SMAD9: variants seen among roughly 807,000 people sequenced by gnomAD.
SMAD9 encodes the protein SMAD family member 9.
SMAD9 carries 36 observed loss-of-function variants against 46.1 expected under a neutral mutation model. The ratio of observed to expected loss-of-function variants is 0.78; its 90% CI spans 0.60 to 1.03. The LOEUF (loss-of-function observed/expected upper bound fraction) is 1.03. Ranked by LOEUF, SMAD9 falls within the 50% of genes least tolerant of loss-of-function variation. SMAD9 has a pLI of 0.00. For synonymous variants in SMAD9, 245 were observed against 237.1 expected (o/e 1.03, Z -0.31); for missense variants, 572 against 599.8 (o/e 0.95, Z 0.48).
chr13:36,889,259 AG>A (rs1448715646), intron 1 of SMAD9, among the ~76,000 whole-genome samples: 4 of 152,190 alleles, frequency 2.6e-5, no homozygotes, highest in Non-Finnish European at 5.9e-5. Flanking sequence ...TTAAGACCAC[AG>A]GAACACTGGG....
chr13:36,911,005 ATAT>A (rs1370581945), intron 1 of SMAD9, among the ~76,000 whole-genome samples: 1 of 152,040 alleles, frequency 6.6e-6, no homozygotes, highest in Non-Finnish European at 1.5e-5. Context: ...TGTATTATTA[ATAT>A]TATTATTACT....
At chr13:36,919,776 T>C (rs2058727435) in intron 1 of SMAD9, among the ~76,000 whole-genome samples, 3 of 148,518 alleles carry the variant, frequency 2.0e-5, no homozygotes, top group Admixed American at 2.0e-4. Flanking sequence ...GAAGGCGAGC[T>C]GCGCCGCGGC....
chr13:36,877,214 T>G (rs1042631276), intron 2 of SMAD9, among the ~76,000 whole-genome samples: 13 of 151,990 alleles, frequency 8.6e-5, no homozygotes, highest in Admixed American at 6.5e-4. Context: ...ATACAAAAAG[T>G]AGCTGGGCAT....
chr13:36,895,617 G>A (rs1171834141), intron 1 of SMAD9, among the ~76,000 whole-genome samples: 2 of 152,176 alleles, frequency 1.3e-5, no homozygotes, highest in African/African-American at 4.8e-5. Context: ...TTAGATTTGG[G>A]TAATTGTTAA....
At chr13:36,912,247 G>A (rs1259996196) in intron 1 of SMAD9, among the ~76,000 whole-genome samples, 1 of 152,116 alleles carries the variant, frequency 6.6e-6, no homozygotes, top group Non-Finnish European at 1.5e-5. Context: ...CAAATTCCTT[G>A]CCCTTCCTTC....
At chr13:36,913,936 C>G (rs1388281224) in intron 1 of SMAD9, among the ~76,000 whole-genome samples, 1 of 152,166 alleles carries the variant, frequency 6.6e-6, no homozygotes, top group Non-Finnish European at 1.5e-5. Context: ...CCCATATCAT[C>G]AATCACTGGT....
At chr13:36,861,527 G>A (rs1566016759) in intron 5 of SMAD9, among the ~76,000 whole-genome samples, 1 of 151,418 alleles carries the variant, frequency 6.6e-6, no homozygotes, top group Non-Finnish European at 1.5e-5. Context: ...TGTTGGCCAG[G>A]CTGGTCTCGA....
chr13:36,854,353 T>C (rs1363317677), intron 5 of SMAD9, among the ~76,000 whole-genome samples: 3 of 133,634 alleles, frequency 2.2e-5, no homozygotes, highest in Non-Finnish European at 4.6e-5. Flanking sequence ...TAATCCTTCA[T>C]TGTACATACA....
intron 5 of SMAD9, among the ~76,000 whole-genome samples, chr13:36,856,430 A>G (rs923410408): frequency 6.6e-6 from 1 of 152,204 alleles, no homozygotes; most frequent in African/African-American, 2.4e-5. Flanking sequence ...AAAGCTACCA[A>G]TGCAGAGAAG....
intron 1 of SMAD9, among the ~76,000 whole-genome samples, chr13:36,882,250 T>C (rs577244159): frequency 1.9e-4 from 27 of 144,396 alleles, no homozygotes; most frequent in African/African-American, 7.9e-4. Context: ...TGTGTGTGTG[T>C]GTGTGTGTGT....
chr13:36,852,210 C>T, intron 6 of SMAD9: 1 of 870,788 alleles, frequency 1.1e-6, no homozygotes, highest in Non-Finnish European at 1.4e-6. Flanking sequence ...ATAATAAAAA[C>T]ATAATTTGAG....
intron 5 of SMAD9, among the ~76,000 whole-genome samples, chr13:36,855,240 A>AGAG (rs564744024): frequency 1.2e-4 from 17 of 139,176 alleles, no homozygotes; most frequent in African/African-American, 4.2e-4. Context: ...CGACTGAGTG[A>AGAG]GAGTCCATCT....
intron 1 of SMAD9, among the ~76,000 whole-genome samples, chr13:36,903,859 A>C (rs574345605): frequency 1.1e-4 from 17 of 152,310 alleles, no homozygotes; most frequent in Admixed American, 1.1e-3. Context: ...ACTGTTGCTA[A>C]TGGAACAGAA....
chr13:36,895,051 T>A (rs1327051969), intron 1 of SMAD9, among the ~76,000 whole-genome samples: 1 of 152,144 alleles, frequency 6.6e-6, no homozygotes, highest in Non-Finnish European at 1.5e-5. Flanking sequence ...TCTCCGGCAG[T>A]CAGTTCCAGC....
intron 5 of SMAD9, among the ~76,000 whole-genome samples, chr13:36,857,142 CAT>C: frequency 6.6e-6 from 1 of 152,084 alleles, no homozygotes; most frequent in South Asian, 2.1e-4. Context: ...AAAGCATGAA[CAT>C]GTGCAGATTT....
chr13:36,879,819 A>G lies in SMAD9; in HGVS notation c.-130T>C. The G allele has an allele frequency of 2.0e-6, 2 of 1,004,582 alleles. No individual in the cohort carries two copies. Among genetic ancestry groups the G allele is most frequent in the Non-Finnish European group, 3.0e-6 (2 of 668,330 alleles). The allele number at this position is 1,004,582 out of a possible 1,614,324, so 62.2% of individuals were successfully genotyped here. A position where few individuals can be genotyped will look rare whatever the true frequency, so the allele number is the denominator to read the frequency against. ...GTTCTTCTGGGAGCAGCTGGGACCA[A>G]TTCAAGTTGCGAAGTGTGTTGACTT... On this transcript the variant is annotated 5_prime_UTR_variant, in exon 2 of 7. Transcript: ENST00000379826.
chr13:36,884,400 T>A (rs1376209934), intron 1 of SMAD9, among the ~76,000 whole-genome samples: 1 of 152,184 alleles, frequency 6.6e-6, no homozygotes, highest in Non-Finnish European at 1.5e-5. Context: ...ACACCATGAC[T>A]GTCCTTTCTT....
chr13:36,879,574 T>C lies in SMAD9; in HGVS notation c.116A>G (p.Asp39Gly). The C allele has an allele frequency of 1.2e-6, 2 of 1,614,092 alleles. No homozygotes were observed. The highest frequency in any genetic ancestry group is 2.2e-5 in the East Asian group (1 of 44,860). Residue 39 changes from aspartate (D) to glycine (G), a missense_variant, in exon 2 of 7, where the codon GAC becomes GGC. Transcript: ENST00000379826. ...CTTCTTTAACTTCTTCACTAGAGAG[T>C]CCACTGCCTTCTCTGCCCACTTTTC... The part of the protein sequence containing the change: ...EEEKWAEKAV[D>G]SLVKKLKKKK...
At chr13:36,881,296 G>A (rs1423552188) in intron 1 of SMAD9, among the ~76,000 whole-genome samples, 1 of 152,132 alleles carries the variant, frequency 6.6e-6, no homozygotes, top group African/African-American at 2.4e-5. Flanking sequence ...GTAACATTTT[G>A]GAGTAAGCTG....
Sources: gnomAD v4.1 joint callset for allele counts (sites outside exome capture counted in the v4.1 genomes callset) on GRCh38, gnomAD v4.1.1 for gene constraint, MANE v1.5 for transcripts, NCBI Gene and HGNC (gene_info 2026-07-23, HGNC 2026-07-21) for gene names.